Variants in GALNT11 observed in about 807,000 individuals in gnomAD.
GALNT11 encodes UDP-GalNAc:polypeptide N-acetylgalactosaminyltransferase 11.
GALNT11 carries 47 observed loss-of-function variants against 72.7 expected under a neutral mutation model. The observed-to-expected ratio is 0.65, with a 90% CI of 0.51 to 0.82. The LOEUF is 0.82. Among genes scored for constraint, GALNT11 ranks in the 40% least tolerant of loss-of-function variants. The probability of loss-of-function intolerance (pLI) is 0.00; values close to 1 mark genes in which losing one functional copy is unlikely to be tolerated. For missense variants in GALNT11, 677 were observed against 778.4 expected, an observed-to-expected ratio of 0.87 and a Z score of 1.55; for synonymous variants, 270 against 286.6, an observed-to-expected ratio of 0.94 and a Z score of 0.58.
intron 1 of GALNT11, among the ~76,000 whole-genome samples, chr7:152,031,135 G>T (rs990566732): frequency 6.6e-6 from 1 of 152,192 alleles, no homozygotes; most frequent in Non-Finnish European, 1.5e-5. Flanking sequence ...AGTGCCACTA[G>T]TTCTCCTGAC....
chr7:152,100,669 C>A, intron 2 of GALNT11, 129 bp from the exon 3 acceptor site: 1 of 1,184,984 alleles, frequency 8.4e-7, no homozygotes, highest in Non-Finnish European at 1.2e-6. Flanking sequence ...TAGAGACAAC[C>A]TAAGTTTGAG....
In GALNT11 at chr7:152,105,323, G is replaced by T. The variant is rs201883939; in HGVS notation, c.665G>T (p.Arg222Leu). 1 of 1,614,034 alleles carries T rather than the reference G, an allele frequency of 6.2e-7. No homozygotes were observed. The highest frequency in any genetic ancestry group is 8.5e-7 in the Non-Finnish European group (1 of 1,179,946). Residue 222 changes from arginine to leucine, a missense_variant, in exon 5 of 12, where the codon CGT becomes CTT. By Grantham distance (102) the Arg-to-Leu change is moderately radical. Coordinates refer to ENST00000430044, the MANE Select transcript of GALNT11 (RefSeq NM_022087.4). Reference protein sequence around the residue: ...GKIKVIRNTKREGLIRGRMIG... With the variant: ...GKIKVIRNTKLEGLIRGRMIG... ...ATTAAAGTCATAAGAAATACAAAGC[G>T]TGAGGGGTTGATTCGAGGGAGAATG...
chr7:152,038,067 G>A (rs2082670440), intron 1 of GALNT11, among the ~76,000 whole-genome samples: 1 of 152,174 alleles, frequency 6.6e-6, no homozygotes, highest in Admixed American at 6.5e-5. Flanking sequence ...ACTGTGCCCA[G>A]CCCGTCTTCT....
chr7:152,052,916 TG>T (rs1444742474), intron 1 of GALNT11, among the ~76,000 whole-genome samples: 1 of 152,226 alleles, frequency 6.6e-6, no homozygotes, highest in East Asian at 1.9e-4. Context: ...ATTCTCTCCG[TG>T]GTCCCTGTCA....
At chr7:152,105,856 G>T (rs771019114) in intron 5 of GALNT11, among the ~76,000 whole-genome samples, 2 of 152,098 alleles carry the variant, frequency 1.3e-5, no homozygotes, top group Non-Finnish European at 2.9e-5. Flanking sequence ...ACTATAAATG[G>T]CATTTTCTTT....
intron 8 of GALNT11, chr7:152,116,929 C>T (rs2088919845): frequency 1.5e-6 from 1 of 659,662 alleles, no homozygotes; most frequent in Non-Finnish European, 2.8e-6. Context: ...GCAGACCCTC[C>T]TGGGAGTTTT....
chr7:152,027,991 GTTGT>G (rs1367447702), intron 1 of GALNT11, among the ~76,000 whole-genome samples: 6 of 152,178 alleles, frequency 3.9e-5, no homozygotes, highest in Admixed American at 3.9e-4. Context: ...CATGTCGAGA[GTTGT>G]TTGTTCCTCG....
At chr7:152,085,342 T>C (rs2085575631) in intron 1 of GALNT11, among the ~76,000 whole-genome samples, 1 of 152,246 alleles carries the variant, frequency 6.6e-6, no homozygotes, top group South Asian at 2.1e-4. Flanking sequence ...TTCATTTAAC[T>C]TTGAAGAACG....
At chr7:152,092,153 C>T (rs1219729344) in intron 1 of GALNT11, among the ~76,000 whole-genome samples, 3 of 152,120 alleles carry the variant, frequency 2.0e-5, no homozygotes, top group Non-Finnish European at 4.4e-5. Context: ...AGAAGCAGTG[C>T]TTTTGTTTTT....
intron 1 of GALNT11, among the ~76,000 whole-genome samples, chr7:152,058,856 G>A (rs528926643): frequency 3.3e-5 from 5 of 152,226 alleles, no homozygotes; most frequent in East Asian, 1.9e-4. Context: ...CACCAGGAGC[G>A]ATTCCATTTC....
At chr7:152,077,989 CA>C (rs1164533467) in intron 1 of GALNT11, among the ~76,000 whole-genome samples, 20 of 151,446 alleles carry the variant, frequency 1.3e-4, no homozygotes, top group African/African-American at 4.9e-4. Flanking sequence ...CTAAAAAATA[CA>C]GTAGCCAAAA....
chr7:152,066,928 C>T (rs766982745), intron 1 of GALNT11, among the ~76,000 whole-genome samples: 2 of 152,152 alleles, frequency 1.3e-5, no homozygotes, highest in South Asian at 2.1e-4. Context: ...ATTCGCAAAA[C>T]GTAACACCGA....
chr7:152,047,334 G>C (rs1032143299), intron 1 of GALNT11, among the ~76,000 whole-genome samples: 2 of 152,020 alleles, frequency 1.3e-5, no homozygotes, highest in Non-Finnish European at 2.9e-5. Context: ...AGCTGGGTGT[G>C]GTGCCTGTAA....
chr7:152,103,267 A>G lies in GALNT11; in HGVS notation c.575A>G (p.Asp192Gly). 2 of 1,612,544 alleles carry G rather than the reference A, an allele frequency of 1.2e-6. No homozygotes were observed. Among genetic ancestry groups the G allele is most frequent in the Non-Finnish European group, 1.7e-6 (2 of 1,178,702 alleles). ...LLHEIILVDD[D>G]SDFDDLKGEL... is the part of the protein sequence containing the mutation. ...CATGAGATCATCCTTGTGGATGATGATAGTGACTTTGGTAAGGAATGCTGC... is the reference window on the plus strand; with the variant it reads ...CATGAGATCATCCTTGTGGATGATGGTAGTGACTTTGGTAAGGAATGCTGC... Residue 192 changes from aspartate (D) to glycine (G), a missense_variant, in exon 4 of 12, where the codon GAT (aspartate) becomes GGT (glycine). Coordinates refer to ENST00000430044, the MANE Select transcript of GALNT11 (RefSeq NM_022087.4).
intron 1 of GALNT11, among the ~76,000 whole-genome samples, chr7:152,064,330 A>G (rs2084187511): frequency 6.6e-6 from 1 of 151,810 alleles, no homozygotes; most frequent in Non-Finnish European, 1.5e-5. Context: ...CCATCCCTTT[A>G]TTTTGAGCCT....
chr7:152,047,604 T>G (rs534357646), intron 1 of GALNT11, among the ~76,000 whole-genome samples: 2 of 151,866 alleles, frequency 1.3e-5, no homozygotes, highest in South Asian at 2.1e-4. Flanking sequence ...GGCTGAGGTA[T>G]GAGGATTGCT....
chr7:152,047,709 T>TGTGTGTGC (rs528749652), intron 1 of GALNT11, among the ~76,000 whole-genome samples: 3 of 151,206 alleles, frequency 2.0e-5, no homozygotes, highest in African/African-American at 7.3e-5. Context: ...TGTGTGTGTG[T>TGTGTGTGC]GCGCACACAC....
At chr7:152,078,710 G>A (rs1343373851) in intron 1 of GALNT11, among the ~76,000 whole-genome samples, 1 of 152,132 alleles carries the variant, frequency 6.6e-6, no homozygotes, top group South Asian at 2.1e-4. Flanking sequence ...TCTGCTGAGA[G>A]TAAGTGTTTT....
intron 1 of GALNT11, among the ~76,000 whole-genome samples, chr7:152,051,199 GTTTTTTTTTTTTT>G (rs35668155): frequency 6.4e-5 from 3 of 46,808 alleles, no homozygotes; most frequent in African/African-American, 7.2e-5. Flanking sequence ...ATATCTGGTT[GTTTTTTTTTTTTT>G]TTTTTTTTTT....
Sources: gnomAD v4.1 joint callset for allele counts (sites outside exome capture counted in the v4.1 genomes callset) on GRCh38, gnomAD v4.1.1 for gene constraint, MANE v1.5 for transcripts, NCBI Gene and HGNC (gene_info 2026-07-23, HGNC 2026-07-21) for gene names.